Variants in ATP10B observed in about 807,000 individuals in gnomAD.
ATP10B encodes ATPase phospholipid transporting 10B (putative), also known as phospholipid-transporting ATPase VB.
Under a neutral mutation model 141.2 loss-of-function variants are expected in ATP10B, and 122 were observed. The ratio of observed to expected loss-of-function variants is 0.86; its 90% confidence interval spans 0.75 to 1.00. The LOEUF is 1.00. Ranked by LOEUF, ATP10B falls within the 50% of genes least tolerant of loss-of-function variation. The probability of loss-of-function intolerance (pLI) is 0.00; values close to 1 mark genes in which losing one functional copy is unlikely to be tolerated. For synonymous variants in ATP10B, 685 were observed against 692.0 expected, an observed-to-expected ratio of 0.99 and a Z score of 0.16; for missense variants, 1,876 against 1,825.3, an observed-to-expected ratio of 1.03 and a Z score of -0.51.
chr5:160,845,601 T>C (rs576130839), intron 1 of ATP10B, among the ~76,000 whole-genome samples: 313 of 152,218 alleles, frequency 2.1e-3, no homozygotes, highest in African/African-American at 7.4e-3. Flanking sequence ...TTTAAAAAAA[T>C]AAAGTAAAAC....
chr5:160,865,705 A>G, the ATP10B span, among the ~76,000 whole-genome samples: 2 of 152,150 alleles, frequency 1.3e-5, no homozygotes, highest in South Asian at 4.1e-4. Flanking sequence ...AGAATCTACA[A>G]GGAACTCAAA....
At chr5:160,818,030 T>TA (rs1355229540) in intron 1 of ATP10B, among the ~76,000 whole-genome samples, 1 of 152,116 alleles carries the variant, frequency 6.6e-6, no homozygotes, top group Non-Finnish European at 1.5e-5. Context: ...ATGTTAGACT[T>TA]AAAACCATAA....
intron 3 of ATP10B, among the ~76,000 whole-genome samples, chr5:160,715,793 C>A (rs899417931): frequency 6.6e-6 from 1 of 151,814 alleles, no homozygotes; most frequent in Non-Finnish European, 1.5e-5. Context: ...CTCACTGCAA[C>A]CTTTGCCTCC....
chr5:160,869,680 TG>T, the ATP10B span, among the ~76,000 whole-genome samples: 1 of 152,020 alleles, frequency 6.6e-6, no homozygotes, highest in Non-Finnish European at 1.5e-5. Flanking sequence ...CCCCCAAGAT[TG>T]AAAGACAGGT....
At chr5:160,646,181 C>T (rs540080139) in intron 8 of ATP10B, among the ~76,000 whole-genome samples, 102 of 152,264 alleles carry the variant, frequency 6.7e-4, no homozygotes, top group Non-Finnish European at 1.2e-3. Flanking sequence ...CACAGACACC[C>T]ACCCTACTGA....
chr5:160,868,913 A>T, the ATP10B span, among the ~76,000 whole-genome samples: 2 of 152,164 alleles, frequency 1.3e-5, no homozygotes, highest in Non-Finnish European at 2.9e-5. Context: ...TCTAACAGAA[A>T]CAGGAAACCA....
At chr5:160,662,669 G>C (rs1333484871) in intron 7 of ATP10B, among the ~76,000 whole-genome samples, 4 of 152,106 alleles carry the variant, frequency 2.6e-5, no homozygotes, top group Non-Finnish European at 5.9e-5. Context: ...AGACTTAAAT[G>C]TTAGATCTAA....
At chr5:160,817,875 C>A (rs957283860) in intron 1 of ATP10B, among the ~76,000 whole-genome samples, 1 of 152,086 alleles carries the variant, frequency 6.6e-6, no homozygotes, top group African/African-American at 2.4e-5. Context: ...CTTTGACAAA[C>A]CTGACAAAAA....
chr5:160,707,728 C>T (rs1765100235), intron 3 of ATP10B, among the ~76,000 whole-genome samples: 1 of 152,074 alleles, frequency 6.6e-6, no homozygotes, highest in African/African-American at 2.4e-5. Flanking sequence ...TCTGCTATGA[C>T]AAGACCACAA....
chr5:160,720,663 C>G (rs2127781378), intron 2 of ATP10B, among the ~76,000 whole-genome samples: 1 of 152,288 alleles, frequency 6.6e-6, no homozygotes, highest in Admixed American at 6.5e-5. Context: ...TCTTCTTTTT[C>G]TTCTTTTCTG....
chr5:160,728,259 C>T (rs1322587974), intron 2 of ATP10B, among the ~76,000 whole-genome samples: 5 of 152,248 alleles, frequency 3.3e-5, no homozygotes, highest in African/African-American at 1.2e-4. Context: ...AAATACTAAA[C>T]TGCCTGAAAA....
At chr5:160,823,224 A>G (rs1774315493) in intron 1 of ATP10B, among the ~76,000 whole-genome samples, 1 of 151,960 alleles carries the variant, frequency 6.6e-6, no homozygotes, top group African/African-American at 2.4e-5. Context: ...AAGGAATGAA[A>G]TCATGTCCTT....
At chr5:160,606,024 C>A (rs1330198867) in intron 19 of ATP10B, among the ~76,000 whole-genome samples, 1 of 152,068 alleles carries the variant, frequency 6.6e-6, no homozygotes, top group Non-Finnish European at 1.5e-5. Flanking sequence ...GAGGACAAGG[C>A]CCATGGAGAA....
At chr5:160,906,573 CT>C in the ATP10B span, among the ~76,000 whole-genome samples, 1 of 152,194 alleles carries the variant, frequency 6.6e-6, no homozygotes, top group Non-Finnish European at 1.5e-5. Flanking sequence ...TTGGCAGACA[CT>C]GTAGATTAGC....
chr5:160,571,246 A>G (rs577168299), intron 24 of ATP10B, among the ~76,000 whole-genome samples: 1 of 152,192 alleles, frequency 6.6e-6, no homozygotes, highest in South Asian at 2.1e-4. Context: ...TTGCTTCTAT[A>G]ATTTTCATTA....
At position 160,620,450 on chromosome 5, in the gene ATP10B, C is replaced by T. The variant is rs1421551416; in HGVS notation, c.2313G>A (p.Lys771=). The T allele has an allele frequency of 8.1e-6, 13 of 1,614,106 alleles. No individual in the cohort carries two copies. The highest frequency in any genetic ancestry group is 1.1e-5 in the Non-Finnish European group (13 of 1,180,034). The change falls in exon 15 of 26, where the codon AAG becomes AAA. Residue 771 remains lysine (K), a synonymous_variant. Transcript: ENST00000327245. ...LCTLGFDSVR[K]RMSVVVRHPL... is the part of the protein sequence containing the mutation. ...GGTGCCTCACAACCACAGACATTCTCTTCCTGACAGAGTCAAAGCCCAGGG... is the reference window on the plus strand; with the variant it reads ...GGTGCCTCACAACCACAGACATTCTTTTCCTGACAGAGTCAAAGCCCAGGG...
chr5:160,862,392 G>A, the ATP10B span, among the ~76,000 whole-genome samples: 1 of 151,864 alleles, frequency 6.6e-6, no homozygotes, highest in Non-Finnish European at 1.5e-5. Context: ...CCTTCCTGAT[G>A]GTTTACCCTG....
At chr5:160,801,736 A>T (rs1036543049) in intron 1 of ATP10B, among the ~76,000 whole-genome samples, 2 of 152,180 alleles carry the variant, frequency 1.3e-5, no homozygotes, top group South Asian at 4.1e-4. Flanking sequence ...GACCTCTAGC[A>T]ATATACAGGC....
rs73314428 is a variant in ATP10B, at chr5:160,703,861, C to T, written c.-205+13048G>A. 5.9e-3 allele frequency among the ~76,000 whole-genome samples: 902 copies of T among 152,246 alleles called. 12 individuals carry two copies. Among genetic ancestry groups the T allele is most frequent in the African/African-American group, 0.021 (854 of 41,530 alleles). ...TAATAAGACTTGAAAGTTGAGATTA[C>T]GCCTTCATCCATAAACTACAGAATG... On this transcript the variant is annotated intron_variant, in intron 3 of 25. Transcript: ENST00000327245.
Sources: gnomAD v4.1 joint callset for allele counts (sites outside exome capture counted in the v4.1 genomes callset) on GRCh38, gnomAD v4.1.1 for gene constraint, MANE v1.5 for transcripts, NCBI Gene and HGNC (gene_info 2026-07-23, HGNC 2026-07-21) for gene names.